The following VWC2L variants were observed in gnomAD, a reference collection of about 807,000 sequenced individuals.
VWC2L encodes von Willebrand factor C domain-containing protein 2-like.
A neutral mutation model predicts 21.6 loss-of-function variants in VWC2L; 10 were observed. That is an observed-to-expected ratio of 0.46 (90% CI 0.29 to 0.78). The LOEUF is 0.78. Among genes scored for constraint, VWC2L ranks in the 30% least tolerant of loss-of-function variants. The pLI is 0.10. For missense variants in VWC2L, 209 were observed against 277.1 expected (o/e 0.75, Z 1.74); for synonymous variants, 96 against 94.3 (o/e 1.02, Z -0.10).
intron 3 of VWC2L, among the ~76,000 whole-genome samples, chr2:214,533,223 A>G (rs1689469140): frequency 6.6e-6 from 1 of 152,106 alleles, no homozygotes; most frequent in Non-Finnish European, 1.5e-5. Flanking sequence ...GATTGTTTTC[A>G]GCAGTAATTA....
intron 3 of VWC2L, among the ~76,000 whole-genome samples, chr2:214,504,587 C>T (rs1688941625): frequency 6.6e-6 from 1 of 152,104 alleles, no homozygotes. Context: ...TGTTAGGGGG[C>T]AGGGTCTGAA....
At chr2:214,448,333 ATTCT>A (rs1702870263) in intron 3 of VWC2L, among the ~76,000 whole-genome samples, 1 of 152,220 alleles carries the variant, frequency 6.6e-6, no homozygotes, top group South Asian at 2.1e-4. Flanking sequence ...AAGAAGTCTG[ATTCT>A]TTGAGTTATT....
At chr2:214,520,023 G>T (rs1689207370) in intron 3 of VWC2L, among the ~76,000 whole-genome samples, 2 of 148,898 alleles carry the variant, frequency 1.3e-5, no homozygotes, top group Admixed American at 1.3e-4. Flanking sequence ...TAATTTTATG[G>T]TATGGGGAAA....
chr2:214,516,571 T>A (rs1326070874), intron 3 of VWC2L, among the ~76,000 whole-genome samples: 1 of 151,762 alleles, frequency 6.6e-6, no homozygotes, highest in Non-Finnish European at 1.5e-5. Context: ...ATCTAAAGAG[T>A]GCATTGGTAG....
chr2:214,487,729 G>A (rs949066716), intron 3 of VWC2L, among the ~76,000 whole-genome samples: 9 of 152,144 alleles, frequency 5.9e-5, no homozygotes, highest in Non-Finnish European at 1.0e-4. Context: ...ATAAAGAATC[G>A]GATGTGAGTG....
intron 3 of VWC2L, among the ~76,000 whole-genome samples, chr2:214,535,797 A>AAC (rs10581608): frequency 0.049 from 7,386 of 150,068 alleles, 229 homozygotes; most frequent in Middle Eastern, 0.12. Context: ...GGAAAAATGA[A>AAC]ACACACACAC....
chr2:214,519,764 C>A (rs991918066), intron 3 of VWC2L, among the ~76,000 whole-genome samples: 7 of 152,120 alleles, frequency 4.6e-5, no homozygotes, highest in African/African-American at 1.7e-4. Context: ...TGAAGGTGCA[C>A]ATTCAGTTGG....
chr2:214,547,095 C>G (rs914570127), intron 3 of VWC2L, among the ~76,000 whole-genome samples: 15 of 152,044 alleles, frequency 9.9e-5, no homozygotes, highest in Admixed American at 2.0e-4. Flanking sequence ...CTCAAGCTAG[C>G]GGCATTTTTA....
At chr2:214,520,871 G>T (rs1414427383) in intron 3 of VWC2L, among the ~76,000 whole-genome samples, 8 of 152,072 alleles carry the variant, frequency 5.3e-5, no homozygotes, top group African/African-American at 1.9e-4. Context: ...TAGAATAACA[G>T]ATCAGTGCTT....
intron 3 of VWC2L, among the ~76,000 whole-genome samples, chr2:214,567,593 C>CAG (rs1196071180): frequency 0.011 from 1,395 of 132,740 alleles, 23 homozygotes; most frequent in African/African-American, 0.041. Context: ...CACACACACA[C>CAG]ACAGAGAGAG....
At chr2:214,452,737 C>A (rs1436765126) in intron 3 of VWC2L, among the ~76,000 whole-genome samples, 1 of 152,122 alleles carries the variant, frequency 6.6e-6, no homozygotes, top group Admixed American at 6.5e-5. Context: ...CACCTCCTCA[C>A]CAATGCTTGG....
rs1442014421 is a variant in VWC2L, at chr2:214,418,262, G to A, written c.390+3679G>A. ...TGTCTGATACTGTGAAGAGCTTTAT[G>A]TATATTATAACACATTTTATTTTAC... On this transcript the variant is annotated intron_variant, in intron 2 of 3. Coordinates refer to ENST00000312504, the MANE Select transcript of VWC2L (RefSeq NM_001080500.4). 4.6e-5 allele frequency among the ~76,000 whole-genome samples: 7 copies of A among 152,224 alleles called. No individual in the cohort carries two copies. In the East Asian group the frequency reaches 1.4e-3, roughly 29 times the overall value.
At chr2:214,515,536 CATTT>C (rs1160987075) in intron 3 of VWC2L, among the ~76,000 whole-genome samples, 2 of 152,002 alleles carry the variant, frequency 1.3e-5, no homozygotes, top group Non-Finnish European at 2.9e-5. Flanking sequence ...CATGGTTTTT[CATTT>C]ATTTATTTAT....
intron 2 of VWC2L, 26 bp from the exon 3 acceptor site, chr2:214,436,603 G>T (rs1702682700): frequency 6.2e-7 from 1 of 1,611,118 alleles, no homozygotes; most frequent in Admixed American, 1.7e-5. Context: ...TAGGAGAAAA[G>T]GGGCTAATTT....
At chr2:214,564,238 A>G (rs1386156057) in intron 3 of VWC2L, among the ~76,000 whole-genome samples, 5 of 152,240 alleles carry the variant, frequency 3.3e-5, no homozygotes, top group Admixed American at 6.5e-5. Flanking sequence ...AAATGGCCAT[A>G]CTACCTAAAG....
intron 2 of VWC2L, among the ~76,000 whole-genome samples, chr2:214,433,859 G>C (rs1269580137): frequency 3.9e-5 from 6 of 152,188 alleles, no homozygotes; most frequent in Non-Finnish European, 7.3e-5. Flanking sequence ...AGGATGGAAA[G>C]GGGTTCTAGC....
intron 3 of VWC2L, among the ~76,000 whole-genome samples, chr2:214,550,669 A>AT (rs1689779894): frequency 6.6e-6 from 1 of 151,954 alleles, no homozygotes; most frequent in Admixed American, 6.6e-5. Flanking sequence ...CTAAACGAAG[A>AT]TTTTTTCCTG....
intron 3 of VWC2L, among the ~76,000 whole-genome samples, chr2:214,532,036 T>G (rs1229872654): frequency 6.6e-6 from 1 of 152,102 alleles, no homozygotes; most frequent in East Asian, 1.9e-4. Flanking sequence ...TGGGGGTGAT[T>G]ATAATGGTTG....
intron 3 of VWC2L, among the ~76,000 whole-genome samples, chr2:214,513,515 A>G (rs886875992): frequency 6.6e-6 from 1 of 152,142 alleles, no homozygotes; most frequent in Non-Finnish European, 1.5e-5. Context: ...AAACATTCGT[A>G]ACGTGGCAGA....
Sources: allele counts gnomAD v4.1 joint callset (sites outside exome capture counted in the v4.1 genomes callset), GRCh38; gene constraint gnomAD v4.1.1; transcripts MANE v1.5; gene names NCBI Gene and HGNC (gene_info 2026-07-23, HGNC 2026-07-21).